MLLT3: variants seen among roughly 807,000 people sequenced by gnomAD.
MLLT3 encodes protein AF-9.
In MLLT3, 4 loss-of-function variants were observed where a neutral mutation model predicts 53.2. That is an observed-to-expected ratio of 0.08 (90% CI 0.04 to 0.17). The LOEUF (loss-of-function observed/expected upper bound fraction) is 0.17. Ranked by LOEUF, MLLT3 falls within the 10% of genes least tolerant of loss-of-function variation. MLLT3 has a pLI of 1.00. For synonymous variants in MLLT3, 283 were observed against 230.6 expected, an observed-to-expected ratio of 1.23 and a Z score of -2.06; for missense variants, 569 against 684.0, an observed-to-expected ratio of 0.83 and a Z score of 1.87.
At chr9:20,533,558 A>G (rs1818399284) in intron 2 of MLLT3, among the ~76,000 whole-genome samples, 1 of 152,210 alleles carries the variant, frequency 6.6e-6, no homozygotes, top group Non-Finnish European at 1.5e-5. Flanking sequence ...ACTACTGGGT[A>G]TATGTCCTAA....
intron 2 of MLLT3, among the ~76,000 whole-genome samples, chr9:20,522,710 A>G (rs1406848312): frequency 1.3e-5 from 2 of 152,192 alleles, no homozygotes; most frequent in Non-Finnish European, 2.9e-5. Context: ...GATGCTGTCA[A>G]GAGAATCAAA....
At chr9:20,498,627 T>G (rs941749841) in intron 2 of MLLT3, among the ~76,000 whole-genome samples, 1 of 152,156 alleles carries the variant, frequency 6.6e-6, no homozygotes, top group African/African-American at 2.4e-5. Context: ...TATGAGATTT[T>G]TTTGTGTGTG....
chr9:20,505,882 G>C (rs369552970), intron 2 of MLLT3, among the ~76,000 whole-genome samples: 1 of 152,144 alleles, frequency 6.6e-6, no homozygotes, highest in South Asian at 2.1e-4. Flanking sequence ...TACCCCCTCA[G>C]TGTGATCCCA....
chr9:20,548,426 C>T (rs1034646615), intron 2 of MLLT3, among the ~76,000 whole-genome samples: 3 of 152,168 alleles, frequency 2.0e-5, no homozygotes, highest in Non-Finnish European at 4.4e-5. Flanking sequence ...CATTTGGAGT[C>T]TGAACAATGG....
At chr9:20,444,129 T>C (rs1823628794) in intron 4 of MLLT3, among the ~76,000 whole-genome samples, 1 of 152,226 alleles carries the variant, frequency 6.6e-6, no homozygotes, top group South Asian at 2.1e-4. Flanking sequence ...TTCTGCAATG[T>C]TTTCAGTATG....
At chr9:20,392,858 T>G (rs1049736894) in intron 5 of MLLT3, among the ~76,000 whole-genome samples, 3 of 152,206 alleles carry the variant, frequency 2.0e-5, no homozygotes, top group African/African-American at 7.2e-5. Context: ...CAGGTCCTCT[T>G]CTACCTTATC....
intron 3 of MLLT3, among the ~76,000 whole-genome samples, chr9:20,455,190 CAACGA>C (rs1395517956): frequency 1.1e-4 from 16 of 152,170 alleles, no homozygotes; most frequent in African/African-American, 3.4e-4. Context: ...ACAAATATGT[CAACGA>C]TTCAGTGGTA....
intron 2 of MLLT3, among the ~76,000 whole-genome samples, chr9:20,576,687 T>C (rs1819662109): frequency 1.3e-5 from 2 of 152,134 alleles, no homozygotes; most frequent in Non-Finnish European, 2.9e-5. Flanking sequence ...CAACGATCAC[T>C]GATCACCATA....
intron 2 of MLLT3, among the ~76,000 whole-genome samples, chr9:20,508,852 T>C (rs1385772507): frequency 6.6e-6 from 1 of 152,230 alleles, no homozygotes; most frequent in East Asian, 1.9e-4. Flanking sequence ...TTTTATGGTA[T>C]CACTAATTCA....
chr9:20,600,174 A>T (rs1451974784), intron 2 of MLLT3, among the ~76,000 whole-genome samples: 1 of 150,896 alleles, frequency 6.6e-6, no homozygotes, highest in Non-Finnish European at 1.5e-5. Flanking sequence ...TCAAATTCTG[A>T]TACCTGGGCA....
At chr9:20,490,130 A>G (rs78753512) in intron 2 of MLLT3, among the ~76,000 whole-genome samples, 3,068 of 152,294 alleles carry the variant, frequency 0.02, 59 homozygotes, top group South Asian at 0.1. Flanking sequence ...ATCACTGATT[A>G]AGTACCATGA....
intron 2 of MLLT3, among the ~76,000 whole-genome samples, chr9:20,615,676 T>C (rs189142696): frequency 3.2e-4 from 49 of 152,116 alleles, no homozygotes; most frequent in African/African-American, 1.2e-3. Flanking sequence ...AGGATCCCTA[T>C]GATCTTTTCA....
intron 6 of MLLT3, among the ~76,000 whole-genome samples, chr9:20,365,207 G>A (rs916784659): frequency 4.6e-5 from 7 of 152,092 alleles, no homozygotes; most frequent in South Asian, 4.1e-4. Context: ...GCCTTGCCTC[G>A]TACATCAGAA....
intron 2 of MLLT3, among the ~76,000 whole-genome samples, chr9:20,563,815 A>T (rs1429263633): frequency 1.3e-5 from 2 of 152,182 alleles, no homozygotes; most frequent in East Asian, 3.8e-4. Flanking sequence ...CTATAATAAG[A>T]AAAAGGAAAG....
chr9:20,378,020 T>C (rs796884940), intron 5 of MLLT3, among the ~76,000 whole-genome samples: 22 of 152,152 alleles, frequency 1.4e-4, no homozygotes, highest in African/African-American at 4.8e-4. Context: ...CCAAAGTTCT[T>C]TGGGTGTGGG....
chr9:20,450,438 C>T (rs1823810495), intron 3 of MLLT3, among the ~76,000 whole-genome samples: 1 of 152,170 alleles, frequency 6.6e-6, no homozygotes, highest in Admixed American at 6.6e-5. Flanking sequence ...GCAGTAAAAT[C>T]CCACTTCCTT....
chr9:20,513,689 T>C (rs1563795438), intron 2 of MLLT3, among the ~76,000 whole-genome samples: 1 of 152,134 alleles, frequency 6.6e-6, no homozygotes, highest in East Asian at 1.9e-4. Context: ...TGTATCTGTA[T>C]GTCCATGAGG....
At position 20,379,187 on chromosome 9, in the gene MLLT3, C is replaced by T. The variant is rs1421351960; in HGVS notation, c.1126-13443G>A. Among the ~76,000 whole-genome samples the T allele has an allele frequency of 2.0e-5, 3 of 152,144 alleles. No individual in the cohort carries two copies. In the East Asian group the frequency reaches 5.8e-4, roughly 29 times the overall value. On this transcript the variant is annotated intron_variant, in intron 5 of 10. Coordinates refer to ENST00000380338, the MANE Select transcript of MLLT3 (RefSeq NM_004529.4). ...GGATTAGGGAGGCAGGGGCAAGAAC[C>T]TTTAACATCTGCTCCCTTGAAATGA...
intron 2 of MLLT3, among the ~76,000 whole-genome samples, chr9:20,587,946 G>T (rs1218292103): frequency 4.0e-5 from 6 of 151,426 alleles, no homozygotes; most frequent in African/African-American, 1.5e-4. Flanking sequence ...TAATGCCTAG[G>T]TTTTCTTCTA....
Sources: gnomAD v4.1 joint callset for allele counts (sites outside exome capture counted in the v4.1 genomes callset) on GRCh38, gnomAD v4.1.1 for gene constraint, MANE v1.5 for transcripts, NCBI Gene and HGNC (gene_info 2026-07-23, HGNC 2026-07-21) for gene names.